The following AZIN2 variants were observed in gnomAD, a reference collection of about 807,000 sequenced individuals.
AZIN2 encodes the protein antizyme inhibitor 2, also known as ODC antizyme inhibitor-2.
In AZIN2, 28 loss-of-function variants were observed where a neutral mutation model predicts 47.8. That is an observed-to-expected ratio of 0.59 (90% CI 0.43 to 0.80). The LOEUF (loss-of-function observed/expected upper bound fraction) is 0.80, where lower values mean the gene tolerates loss of function less well. AZIN2 is among the 30% of genes least tolerant of loss of function. AZIN2 has a pLI of 0.00. For missense variants in AZIN2, 535 were observed against 582.5 expected, an observed-to-expected ratio of 0.92 and a Z score of 0.84; for synonymous variants, 221 against 239.4, an observed-to-expected ratio of 0.92 and a Z score of 0.71.
chr1:33,092,736 G>C (rs1465375733), intron 6 of AZIN2, among the ~76,000 whole-genome samples: 2 of 152,206 alleles, frequency 1.3e-5, no homozygotes, highest in African/African-American at 2.4e-5. Flanking sequence ...CTATGTGTAG[G>C]GGGTGAAGGA....
intron 5 of AZIN2, 47 bp from the exon 6 acceptor site, chr1:33,092,003 C>T (rs1472000554): frequency 1.9e-6 from 3 of 1,589,472 alleles, no homozygotes; most frequent in Non-Finnish European, 2.6e-6. Context: ...GCTCCGTGGG[C>T]TAGCAGGCCC....
chr1:33,126,718 C>G (rs538312668), downstream of AZIN2, among the ~76,000 whole-genome samples: 3 of 152,116 alleles, frequency 2.0e-5, no homozygotes, highest in African/African-American at 7.2e-5. Context: ...AGGACCCCCC[C>G]AATAGCGCTT....
the AZIN2 span, among the ~76,000 whole-genome samples, chr1:33,151,028 C>G: frequency 6.6e-6 from 1 of 152,038 alleles, no homozygotes; most frequent in Admixed American, 6.5e-5. Context: ...CGGGGGGTAC[C>G]CTCAAGCAGG....
chr1:33,166,115 G>C, the AZIN2 span: 1 of 152,372 alleles, frequency 6.6e-6, no homozygotes, highest in African/African-American at 2.4e-5. Flanking sequence ...TAGGTTGCCT[G>C]CTCCTTATGA....
intron 5 of AZIN2, among the ~76,000 whole-genome samples, chr1:33,087,834 C>T (rs4045754): frequency 1.3e-5 from 2 of 152,104 alleles, no homozygotes; most frequent in African/African-American, 2.4e-5. Context: ...AACACTGCTT[C>T]GACCCCACCT....
the AZIN2 span, among the ~76,000 whole-genome samples, chr1:33,152,303 C>T: frequency 2.1e-4 from 32 of 152,276 alleles, no homozygotes; most frequent in East Asian, 5.4e-3. Context: ...TGGTGGCTCA[C>T]GCCCGTAATT....
chr1:33,163,688 C>G, the AZIN2 span: 2 of 152,404 alleles, frequency 1.3e-5, no homozygotes, highest in African/African-American at 4.8e-5. Flanking sequence ...CATCACCCCG[C>G]CAGGGCGCCG....
At chr1:33,147,830 CCTCT>C in the AZIN2 span, 5 of 1,305,476 alleles carry the variant, frequency 3.8e-6, no homozygotes, top group Non-Finnish European at 4.2e-6. This position sits in a 1 kb window ranked among gnomAD's most constrained non-coding sequence, Gnocchi z 8.1. Flanking sequence ...ACGCAGGAGG[CCTCT>C]GACCTGCTGT....
chr1:33,146,558 A>G, the AZIN2 span: 1 of 159,882 alleles, frequency 6.3e-6, no homozygotes, highest in South Asian at 1.8e-4. Flanking sequence ...TGTGGACTCA[A>G]CTACCAGGTG....
At chr1:33,141,601 C>A in the AZIN2 span, among the ~76,000 whole-genome samples, 3 of 152,322 alleles carry the variant, frequency 2.0e-5, no homozygotes, top group Middle Eastern at 3.4e-3. Flanking sequence ...CAGCCCTTAT[C>A]ATGACATCAG....
At chr1:33,164,974 T>G in the AZIN2 span, 1 of 93,874 alleles carries the variant, frequency 1.1e-5, no homozygotes, top group Non-Finnish European at 2.4e-5. Flanking sequence ...TTTTTTTTTG[T>G]AGAGAAGGCA....
chr1:33,105,288 G>C (rs1643945562), intron 10 of AZIN2, among the ~76,000 whole-genome samples: 1 of 152,052 alleles, frequency 6.6e-6, no homozygotes, highest in Non-Finnish European at 1.5e-5. Flanking sequence ...GTGAGCATAT[G>C]GTTTTCTTTA....
rs749682048 is a variant in AZIN2, at chr1:33,082,203, G to C, written c.-47G>C. ...TGTGTTGCATACTTTCTAAGGCGGCGGCTGCAGCAGCGGCTCCATCCAGCC... is the reference window on the plus strand; with the variant it reads ...TGTGTTGCATACTTTCTAAGGCGGCCGCTGCAGCAGCGGCTCCATCCAGCC... On this transcript the variant is annotated 5_prime_UTR_variant, in exon 4 of 12. Coordinates refer to ENST00000294517, the MANE Select transcript of AZIN2 (RefSeq NM_052998.4). The C allele has an allele frequency of 2.6e-6, 4 of 1,517,998 alleles. No homozygotes were observed. In the East Asian group the frequency reaches 9.1e-5, roughly 34 times the overall value. 94.0% of individuals were successfully genotyped at this position (1,517,998 alleles called of 1,614,324 possible).
chr1:33,092,075 T>C lies in AZIN2; in HGVS notation c.305T>C (p.Ile102Thr). The change falls in exon 6 of 12, where the codon ATT (isoleucine) becomes ACT (threonine). Residue 102 changes from isoleucine (I) to threonine (T), a missense_variant. Physicochemically the swap from Ile to Thr is moderately conservative, Grantham distance 89 (BLOSUM62 -1). This residue lies in a region of AZIN2 where 409 missense variants were observed against 429.0 expected (regional missense o/e 0.95). Transcript: ENST00000294517. ...GCAGAGATGGAGTTGGTCCAGCATA[T>C]TGGAATCCCTGCCAGTAAGATCATC... ...NKAEMELVQH[I>T]GIPASKIICA... 2 of 1,614,098 alleles carry C rather than the reference T, an allele frequency of 1.2e-6. No individual in the cohort carries two copies. The highest frequency in any genetic ancestry group is 1.7e-6 in the Non-Finnish European group (2 of 1,179,990).
chr1:33,095,767 A>G (rs930229476), intron 8 of AZIN2, among the ~76,000 whole-genome samples: 20 of 152,224 alleles, frequency 1.3e-4, no homozygotes, highest in African/African-American at 4.6e-4. Context: ...GATAACATAA[A>G]CAGCCGATTA....
chr1:33,147,699 G>T, the AZIN2 span: 1 of 1,613,102 alleles, frequency 6.2e-7, no homozygotes, highest in Non-Finnish European at 8.5e-7. This position sits in a 1 kb window ranked among gnomAD's most constrained non-coding sequence, Gnocchi z 8.1. Flanking sequence ...GGTGGGCTGT[G>T]CCCGGGTCCA....
At chr1:33,130,599 C>T in the AZIN2 span, among the ~76,000 whole-genome samples, 1 of 152,240 alleles carries the variant, frequency 6.6e-6, no homozygotes, top group Non-Finnish European at 1.5e-5. Context: ...CAGCCAACAC[C>T]TGATTGCAGC....
chr1:33,100,488 A>G (rs1429516352), intron 10 of AZIN2, among the ~76,000 whole-genome samples: 1 of 152,068 alleles, frequency 6.6e-6, no homozygotes, highest in South Asian at 2.1e-4. Context: ...AGTACTCTCA[A>G]TACTCAAAGC....
intron 10 of AZIN2, among the ~76,000 whole-genome samples, chr1:33,107,145 G>A (rs754090340): frequency 4.6e-5 from 7 of 152,008 alleles, no homozygotes; most frequent in Admixed American, 6.6e-5. Context: ...TTATCCAGGC[G>A]TAAAGATGTG....
Sources: gnomAD v4.1 joint callset for allele counts (sites outside exome capture counted in the v4.1 genomes callset) on GRCh38, gnomAD v4.1.1 for gene constraint, gnomAD v4.1.1 regional missense constraint, Gnocchi (gnomAD v3.1) non-coding constraint, MANE v1.5 for transcripts, NCBI Gene and HGNC (gene_info 2026-07-23, HGNC 2026-07-21) for gene names.